ZSWIM8: variants seen among roughly 807,000 people sequenced by gnomAD.
The protein encoded by ZSWIM8 is zinc finger SWIM-type containing 8.
In ZSWIM8, 27 loss-of-function variants were observed where a neutral mutation model predicts 173.7. The ratio of observed to expected loss-of-function variants is 0.16; its 90% CI spans 0.11 to 0.21. ZSWIM8 has a LOEUF of 0.21. Ranked by LOEUF, ZSWIM8 falls within the 10% of genes least tolerant of loss-of-function variation. ZSWIM8 has a pLI of 1.00. For synonymous variants in ZSWIM8, 958 were observed against 962.0 expected, an observed-to-expected ratio of 1.00 and a Z score of 0.08; for missense variants, 1,627 against 2,428.8, an observed-to-expected ratio of 0.67 and a Z score of 6.94.
At position 73,797,293 on chromosome 10, in the gene ZSWIM8, CAT is replaced by C. The variant is rs1300493036; in HGVS notation, c.3433+24_3433+25del. The C allele has an allele frequency of 1.9e-6, 3 of 1,613,794 alleles. No individual in the cohort carries two copies. Among genetic ancestry groups the C allele is most frequent in the Non-Finnish European group, 2.5e-6 (3 of 1,179,754 alleles). ...ACAGGTAGGATAGCCTGTGGGCTAG[CAT>C]AGAGGGAAGGATAATCCTGAAGGTT... On this transcript the variant is annotated intron_variant, in intron 17 of 25. Transcript: ENST00000604729. The surrounding 1 kb of genome is among the most constrained non-coding windows in gnomAD (Gnocchi z 5.6).
Position 73,788,984 on chromosome 10 carries a change from C to A in ZSWIM8, c.363-112C>A, listed in dbSNP as rs998896003. The A allele has an allele frequency of 1.4e-4, 97 of 670,648 alleles. No individual in the cohort carries two copies. The African/African-American group carries it at 1.7e-3, about 12-fold the overall frequency. 41.5% of individuals were successfully genotyped at this position (670,648 alleles called of 1,614,324 possible). ...CCACTCCCTCCCCCCCACCCCCCGCCCTGGGGAAGGAATGAGGCTAGGGAG... is the reference window on the plus strand; with the variant it reads ...CCACTCCCTCCCCCCCACCCCCCGCACTGGGGAAGGAATGAGGCTAGGGAG... On this transcript the variant is annotated intron_variant, in intron 2 of 25. Transcript: ENST00000604729.
chr10:73,799,907 T>C, intron 21 of ZSWIM8, 104 bp from the exon 22 acceptor site: 1 of 1,252,256 alleles, frequency 8.0e-7, no homozygotes, highest in Admixed American at 2.0e-5. Flanking sequence ...AGCGAGACTC[T>C]ATCTCAAAAA....
chr10:73,799,702 G>T (rs2083835368), intron 21 of ZSWIM8: 3 of 709,028 alleles, frequency 4.2e-6, no homozygotes, highest in Non-Finnish European at 7.0e-6. Context: ...AGGCCGATGT[G>T]GGTGGATCAC....
chr10:73,790,152 T>C lies in ZSWIM8; in HGVS notation c.821-20T>C. 1 of 1,611,160 alleles carries C rather than the reference T, an allele frequency of 6.2e-7. No individual in the cohort carries two copies. Among genetic ancestry groups the C allele is most frequent in the Non-Finnish European group, 8.5e-7 (1 of 1,178,242 alleles). ...ATCCAGGCCCCTATCTCTAGATGAC[T>C]GACTGCCTGTCATCCTCAGACCCCA... On this transcript the variant is annotated intron_variant, in intron 6 of 25. Coordinates refer to ENST00000604729, the MANE Select transcript of ZSWIM8 (RefSeq NM_001367799.1).
chr10:73,795,962 CA>C (rs34801762), intron 15 of ZSWIM8, among the ~76,000 whole-genome samples: 11,100 of 58,982 alleles, frequency 0.19, 349 homozygotes, highest in South Asian at 0.27. Flanking sequence ...GACCCTGTTT[CA>C]AAAAAAAAAA....
At position 73,798,428 on chromosome 10, in the gene ZSWIM8, G is replaced by A. The variant is rs1300012500; in HGVS notation, c.4151G>A (p.Arg1384Gln). 1.9e-6 allele frequency: 3 copies of A among 1,613,796 alleles called. No individual in the cohort carries two copies. Among genetic ancestry groups the A allele is most frequent in the South Asian group, 1.1e-5 (1 of 91,070 alleles). Reference protein sequence around the residue: ...AHALNPNEIQRALVQCKEQDN... With the variant: ...AHALNPNEIQQALVQCKEQDN... Reference sequence around the variant, plus strand: ...GCATTGAACCCTAATGAGATCCAGCGGGCCCTGGTGCAGTGCAAGGAACAG... The same window carrying A: ...GCATTGAACCCTAATGAGATCCAGCAGGCCCTGGTGCAGTGCAAGGAACAG... The change falls in exon 20 of 26, where the codon CGG becomes CAG. Residue 1384 changes from arginine (R) to glutamine (Q), a missense_variant. By Grantham distance (43) the Arg-to-Gln change is conservative. Coordinates refer to ENST00000604729, the MANE Select transcript of ZSWIM8 (RefSeq NM_001367799.1).
Position 73,799,043 on chromosome 10 carries a change from G to A in ZSWIM8, c.4218G>A (p.Glu1406=), listed in dbSNP as rs2083798730. The part of the protein sequence containing the change: ...MLEKACMAVE[E]AAKGGGVYPE... ...AGAAGGCCTGCATGGCAGTGGAAGA[G>A]GCAGCTAAGGGTGGGGGCGTGTACC... Residue 1406 remains glutamate, a synonymous_variant, in exon 21 of 26, where the codon GAG becomes GAA. Coordinates refer to ENST00000604729, the MANE Select transcript of ZSWIM8 (RefSeq NM_001367799.1). The A allele has an allele frequency of 6.2e-7, 1 of 1,613,214 alleles. No homozygotes were observed. The highest frequency in any genetic ancestry group is 1.3e-5 in the African/African-American group (1 of 74,932).
chr10:73,798,593 T>C, intron 20 of ZSWIM8, 140 bp downstream of exon 20: 1 of 767,812 alleles, frequency 1.3e-6, no homozygotes. Context: ...GGCAACATTT[T>C]ACCCATTAAT....
Position 73,798,990 on chromosome 10 carries a change from C to G in ZSWIM8, c.4177-12C>G. ...CCTTTCCCCCTTAACACTCTGTGCCCCTCTCTTCCAGGACAACCTGATGTT... is the reference window on the plus strand; with the variant it reads ...CCTTTCCCCCTTAACACTCTGTGCCGCTCTCTTCCAGGACAACCTGATGTT... On this transcript the variant is annotated splice_polypyrimidine_tract_variant and intron_variant, in intron 20 of 25. Transcript: ENST00000604729. The G allele has an allele frequency of 6.3e-7, 1 of 1,598,728 alleles. No individual in the cohort carries two copies. The highest frequency in any genetic ancestry group is 8.5e-7 in the Non-Finnish European group (1 of 1,170,644).
chr10:73,793,706 C>T lies in ZSWIM8; in HGVS notation c.2432C>T (p.Pro811Leu), dbSNP rs774259563. Reference protein sequence around the residue: ...LANPPDLKVEPPPAKGKKNKV... With the variant: ...LANPPDLKVELPPAKGKKNKV... Reference sequence around the variant, plus strand: ...AACCCACCCGACCTCAAGGTAGAGCCGCCCCCTGCCAAGGTGAGAGACCCC... The same window carrying T: ...AACCCACCCGACCTCAAGGTAGAGCTGCCCCCTGCCAAGGTGAGAGACCCC... The change falls in exon 11 of 26, where the codon CCG becomes CTG. Residue 811 changes from proline (P) to leucine (L), a missense_variant. By Grantham distance (98) the Pro-to-Leu change is moderately conservative. Coordinates refer to ENST00000604729, the MANE Select transcript of ZSWIM8 (RefSeq NM_001367799.1). 38 of 1,610,356 alleles carry T rather than the reference C, an allele frequency of 2.4e-5. No homozygotes were observed. Among genetic ancestry groups the T allele is most frequent in the Middle Eastern group, 1.7e-4 (1 of 6,056 alleles).
rs1045195176 is a variant in ZSWIM8, at chr10:73,792,388, G to C, written c.1849G>C (p.Asp617His). 1 of 1,606,032 alleles carries C rather than the reference G, an allele frequency of 6.2e-7. No individual in the cohort carries two copies. Among genetic ancestry groups the C allele is most frequent in the African/African-American group, 1.3e-5 (1 of 74,744 alleles). Residue 617 changes from aspartate to histidine, a missense_variant, in exon 10 of 26, where the codon GAC becomes CAC. Around this residue, in one of 18 missense-constraint regions of ZSWIM8, gnomAD observed 383 missense variants for 394.8 expected, o/e 0.97. Coordinates refer to ENST00000604729, the MANE Select transcript of ZSWIM8 (RefSeq NM_001367799.1). The surrounding 1 kb of genome is among the most constrained non-coding windows in gnomAD (Gnocchi z 4.3). ...CAGCGAAGACAGCTCCCTGGAGCCA[G>C]ACCTGGCCGAGATGAGCCTGGATGA... ...LSSEDSSLEP[D>H]LAEMSLDDSS...
At position 73,792,009 on chromosome 10, in the gene ZSWIM8, C is replaced by T. The variant is rs1315484600; in HGVS notation, c.1470C>T (p.Tyr490=). ...GCTACTTCAACTGGGAAGAGGCCTA[C>T]CCACTTCCTGGTGTCACCTACAGCG... is the stretch of plus-strand genomic sequence containing the variant. ...EACYFNWEEA[Y]PLPGVTYSGT... is the part of the protein sequence containing the mutation. Residue 490 remains tyrosine, a synonymous_variant, in exon 10 of 26, where the codon TAC becomes TAT. Coordinates refer to ENST00000604729, the MANE Select transcript of ZSWIM8 (RefSeq NM_001367799.1). This position sits in a 1 kb window ranked among gnomAD's most constrained non-coding sequence, Gnocchi z 4.3. The T allele has an allele frequency of 1.3e-6, 2 of 1,550,872 alleles. No homozygotes were observed. Among genetic ancestry groups the T allele is most frequent in the Non-Finnish European group, 8.7e-7 (1 of 1,146,642 alleles).
intron 1 of ZSWIM8, among the ~76,000 whole-genome samples, chr10:73,787,933 C>A (rs1027802611): frequency 1.3e-5 from 2 of 152,172 alleles, no homozygotes; most frequent in Non-Finnish European, 2.9e-5. Flanking sequence ...CTATGATTTT[C>A]TGATCTATTA....
intron 21 of ZSWIM8, 103 bp from the exon 22 acceptor site, chr10:73,799,908 A>ATCTC (rs144692941): frequency 1.1e-5 from 14 of 1,250,566 alleles, no homozygotes; most frequent in Non-Finnish European, 1.2e-5. Flanking sequence ...GCGAGACTCT[A>ATCTC]TCTCAAAAAA....
rs575301498 is a variant in ZSWIM8, at chr10:73,792,528, C to T, written c.1989C>T (p.Pro663=). The T allele has an allele frequency of 2.5e-6, 4 of 1,613,980 alleles. No homozygotes were observed. Among genetic ancestry groups the T allele is most frequent in the Non-Finnish European group, 3.4e-6 (4 of 1,179,864 alleles). Residue 663 remains proline, a synonymous_variant, in exon 10 of 26, where the codon CCC becomes CCT. Transcript: ENST00000604729. This position sits in a 1 kb window ranked among gnomAD's most constrained non-coding sequence, Gnocchi z 4.3. ...GCCCTTCCACTTTCCTTCCTGAGCCCCCAGATACTTATGAAGAAGATGGTG... is the reference window on the plus strand; with the variant it reads ...GCCCTTCCACTTTCCTTCCTGAGCCTCCAGATACTTATGAAGAAGATGGTG... ...SRGPSTFLPE[P]PDTYEEDGGV...
rs372192960 is a variant in ZSWIM8, at chr10:73,799,077, T to C, written c.4252T>C (p.Leu1418=). The change falls in exon 21 of 26, where the codon TTG becomes CTG. Residue 1418 remains leucine, a synonymous_variant. Coordinates refer to ENST00000604729, the MANE Select transcript of ZSWIM8 (RefSeq NM_001367799.1). ...AKGGGVYPEV[L]FEVAHQWFWL... Reference sequence around the variant, plus strand: ...GGGTGGGGGCGTGTACCCTGAAGTGTTGTTTGAGGTTGCTCACCAGTGGTT... The same window carrying C: ...GGGTGGGGGCGTGTACCCTGAAGTGCTGTTTGAGGTTGCTCACCAGTGGTT... 3.1e-6 allele frequency: 5 copies of C among 1,613,808 alleles called. No homozygotes were observed. Among genetic ancestry groups the C allele is most frequent in the Non-Finnish European group, 4.2e-6 (5 of 1,179,826 alleles).
At position 73,800,280 on chromosome 10, in the gene ZSWIM8, C is replaced by T. The variant is rs778639265; in HGVS notation, c.4826-16C>T. The T allele has an allele frequency of 1.9e-6, 3 of 1,613,334 alleles. No homozygotes were observed. Among genetic ancestry groups the T allele is most frequent in the South Asian group, 2.2e-5 (2 of 91,040 alleles). Reference sequence around the variant, plus strand: ...TTTGGGCTCTGAGTTCCTCACATGGCTCTCACCCCACTTAGTGAGCAGTGT... The same window carrying T: ...TTTGGGCTCTGAGTTCCTCACATGGTTCTCACCCCACTTAGTGAGCAGTGT... On this transcript the variant is annotated splice_polypyrimidine_tract_variant and intron_variant, in intron 22 of 25. Transcript: ENST00000604729. The surrounding 1 kb of genome is among the most constrained non-coding windows in gnomAD (Gnocchi z 4.1).
rs2132802536 is a variant in ZSWIM8, at chr10:73,799,433, C to A, written c.4608C>A (p.Pro1536=). 1.2e-6 allele frequency: 2 copies of A among 1,605,810 alleles called. No individual in the cohort carries two copies. Among genetic ancestry groups the A allele is most frequent in the East Asian group, 4.5e-5 (2 of 44,400 alleles). Residue 1536 remains proline, a synonymous_variant, in exon 21 of 26, where the codon CCC becomes CCA. Coordinates refer to ENST00000604729, the MANE Select transcript of ZSWIM8 (RefSeq NM_001367799.1). Reference sequence around the variant, plus strand: ...CTCACCCAGCTCACCCTGCCCACCCCATGCCTCACATGCCCCGGCCTGCCG... The same window carrying A: ...CTCACCCAGCTCACCCTGCCCACCCAATGCCTCACATGCCCCGGCCTGCCG... ...YLTHPAHPAH[P]MPHMPRPAVF...
intron 2 of ZSWIM8, 57 bp downstream of exon 2, chr10:73,788,880 T>C: frequency 6.2e-7 from 1 of 1,601,388 alleles, no homozygotes; most frequent in African/African-American, 1.3e-5. Context: ...CACTGTCTGC[T>C]GGGTTTCCCA....
Sources: gnomAD v4.1 joint callset for allele counts (sites outside exome capture counted in the v4.1 genomes callset) on GRCh38, gnomAD v4.1.1 for gene constraint, gnomAD v4.1.1 regional missense constraint, Gnocchi (gnomAD v3.1) non-coding constraint, MANE v1.5 for transcripts, NCBI Gene and HGNC (gene_info 2026-07-23, HGNC 2026-07-21) for gene names.